LAMP3: variants seen among roughly 807,000 people sequenced by gnomAD.
LAMP3 encodes the protein lysosome associated membrane protein 3.
In LAMP3, 26 loss-of-function variants were observed where a neutral mutation model predicts 34.8. The ratio of observed to expected loss-of-function variants is 0.75; its 90% confidence interval spans 0.55 to 1.04. LAMP3 has a LOEUF of 1.04. Ranked by LOEUF, LAMP3 falls within the 50% of genes least tolerant of loss-of-function variation. The pLI is 0.00. For synonymous variants in LAMP3, 180 were observed against 201.9 expected (o/e 0.89, Z 0.92); for missense variants, 495 against 524.0 (o/e 0.94, Z 0.54).
At chr3:183,148,351 C>T (rs1024398103) in intron 3 of LAMP3, among the ~76,000 whole-genome samples, 1 of 152,060 alleles carries the variant, frequency 6.6e-6, no homozygotes, top group Non-Finnish European at 1.5e-5. Flanking sequence ...TTCTGCACAG[C>T]AAAGGAAACA....
At chr3:183,132,407 G>GT in intron 5 of LAMP3, 2 of 973,208 alleles carry the variant, frequency 2.1e-6, no homozygotes, top group South Asian at 9.5e-5. Flanking sequence ...TTAAAGTAAT[G>GT]TTTTTAAAAA....
chr3:183,137,626 C>A (rs983105266), intron 4 of LAMP3, among the ~76,000 whole-genome samples: 1 of 152,142 alleles, frequency 6.6e-6, no homozygotes, highest in African/African-American at 2.4e-5. Context: ...TCTGCTACTA[C>A]CATCCCCACT....
Position 183,153,735 on chromosome 3 carries a change from G to A in LAMP3, c.706C>T (p.Leu236Phe). ...ATCCCCATCTCTGCTTTTATACAGAGTCTGCTTCCGTTTAGAACCTGATAA... is the reference window on the plus strand; with the variant it reads ...ATCCCCATCTCTGCTTTTATACAGAATCTGCTTCCGTTTAGAACCTGATAA... ...GIYQVLNGSR[L>F]CIKAEMGIQL... The change falls in exon 2 of 6, where the codon CTC (leucine) becomes TTC (phenylalanine). Residue 236 changes from leucine (L) to phenylalanine (F), a missense_variant. By Grantham distance (22) the Leu-to-Phe change is conservative. Coordinates refer to ENST00000265598, the MANE Select transcript of LAMP3 (RefSeq NM_014398.4). The A allele has an allele frequency of 6.5e-7, 1 of 1,539,022 alleles. No individual in the cohort carries two copies. Among genetic ancestry groups the A allele is most frequent in the Non-Finnish European group, 8.7e-7 (1 of 1,145,236 alleles).
At chr3:183,155,463 G>A (rs1350481872) in intron 1 of LAMP3, among the ~76,000 whole-genome samples, 1 of 152,210 alleles carries the variant, frequency 6.6e-6, no homozygotes, top group Non-Finnish European at 1.5e-5. Flanking sequence ...CAGGTGGGTT[G>A]TCCTTTGTGT....
Position 183,154,277 on chromosome 3 carries a change from G to A in LAMP3, c.164C>T (p.Pro55Leu). ...AGTTTGGTGAGGTGCTTGCTTAGCT[G>A]GTTGCTGGACAGGTTTTTTTATGTC... ...VQDIKKPVQQ[P>L]AKQAPHQTLA... The change falls in exon 2 of 6, where the codon CCA becomes CTA. Residue 55 changes from proline (P) to leucine (L), a missense_variant. By Grantham distance (98) the Pro-to-Leu change is moderately conservative. Transcript: ENST00000265598. 1 of 1,614,128 alleles carries A rather than the reference G, an allele frequency of 6.2e-7. No homozygotes were observed. Among genetic ancestry groups the A allele is most frequent in the Non-Finnish European group, 8.5e-7 (1 of 1,180,010 alleles).
At chr3:183,158,900 G>GT (rs928523825) in intron 1 of LAMP3, among the ~76,000 whole-genome samples, 40 of 146,996 alleles carry the variant, frequency 2.7e-4, no homozygotes, top group South Asian at 1.3e-3. Flanking sequence ...CTTTGTTTTT[G>GT]TTTTTTTTTT....
At chr3:183,144,066 A>G (rs1033921545) in intron 3 of LAMP3, among the ~76,000 whole-genome samples, 2 of 152,186 alleles carry the variant, frequency 1.3e-5, no homozygotes, top group Admixed American at 6.5e-5. Context: ...TGGAAGTTTC[A>G]TAGTCCCAGC....
chr3:183,132,470 C>T (rs633725), intron 5 of LAMP3: 907,442 of 983,004 alleles, frequency 0.92, 419,426 homozygotes, highest in Non-Finnish European at 0.93. Flanking sequence ...AATTTGTAAA[C>T]GTCTTCCCCA....
chr3:183,127,928 G>A (rs770354425), intron 5 of LAMP3, among the ~76,000 whole-genome samples: 2 of 152,066 alleles, frequency 1.3e-5, no homozygotes, highest in East Asian at 1.9e-4. Flanking sequence ...TCAGGAGATC[G>A]AGACCATTCT....
At position 183,136,336 on chromosome 3, in the gene LAMP3, T is replaced by A. The variant is rs538066367; in HGVS notation, c.947-449A>T. Reference sequence around the variant, plus strand: ...AGCAAATGCTTATCACCAGGCTGAATGTATTAGATGAGCAGGGTCAAGAAC... The same window carrying A: ...AGCAAATGCTTATCACCAGGCTGAAAGTATTAGATGAGCAGGGTCAAGAAC... On this transcript the variant is annotated intron_variant, in intron 4 of 5. Transcript: ENST00000265598. 1.3e-4 allele frequency among the ~76,000 whole-genome samples: 20 copies of A among 152,274 alleles called. 1 individual carries two copies. The South Asian group carries it at 4.1e-3, about 32-fold the overall frequency.
intron 5 of LAMP3, chr3:183,132,152 T>G (rs1343008557): frequency 2.0e-6 from 2 of 985,256 alleles, no homozygotes; most frequent in Non-Finnish European, 2.4e-6. Flanking sequence ...TTGAAGCAAC[T>G]GAAGGGCTAA....
chr3:183,146,631 G>A (rs1250535118), intron 3 of LAMP3, among the ~76,000 whole-genome samples: 4 of 150,720 alleles, frequency 2.7e-5, no homozygotes, highest in East Asian at 2.0e-4. Flanking sequence ...GGGTTCAAGC[G>A]ATTCTCCTGC....
chr3:183,131,216 C>A (rs1022872703), intron 5 of LAMP3, among the ~76,000 whole-genome samples: 1 of 152,182 alleles, frequency 6.6e-6, no homozygotes, highest in African/African-American at 2.4e-5. Context: ...GTGGTCATAT[C>A]CCTCTATACT....
intron 3 of LAMP3, among the ~76,000 whole-genome samples, chr3:183,146,304 A>G (rs1311931755): frequency 6.6e-6 from 1 of 152,192 alleles, no homozygotes; most frequent in East Asian, 1.9e-4. Context: ...AAATGTTAAT[A>G]CTGTTGCTGT....
intron 5 of LAMP3, among the ~76,000 whole-genome samples, chr3:183,130,762 C>A (rs548124): frequency 0.86 from 131,007 of 152,114 alleles, 56,886 homozygotes; most frequent in Non-Finnish European, 0.93. Context: ...GTCTGTCCCT[C>A]CCTTTACTCT....
intron 3 of LAMP3, among the ~76,000 whole-genome samples, chr3:183,143,180 C>T (rs1720338042): frequency 6.6e-6 from 1 of 152,134 alleles, no homozygotes; most frequent in African/African-American, 2.4e-5. Flanking sequence ...AAGATCTTGG[C>T]TCACTGCAGC....
At chr3:183,133,344 G>C (rs1028846644) in intron 5 of LAMP3, among the ~76,000 whole-genome samples, 14 of 152,130 alleles carry the variant, frequency 9.2e-5, no homozygotes, top group African/African-American at 3.1e-4. Context: ...AATTCCCGGA[G>C]CCATATTCTC....
upstream of LAMP3, chr3:183,163,009 G>A (rs13084610): frequency 0.11 from 23,502 of 221,806 alleles, 1,308 homozygotes; most frequent in Middle Eastern, 0.15. Flanking sequence ...CCAGGGTGGA[G>A]TGCAGTGGCG....
At position 183,124,092 on chromosome 3, in the gene LAMP3, G is replaced by C; in HGVS notation, c.1240C>G (p.Gln414Glu). ...IRLRCQSSGY[Q>E]RI ...CCCCCGGGCAACAATTAGATTCTCT[G>C]GTATCCAGATGATTGACACCTTAGG... Residue 414 changes from glutamine to glutamate, a missense_variant, in exon 6 of 6, where the codon CAG becomes GAG. Coordinates refer to ENST00000265598, the MANE Select transcript of LAMP3 (RefSeq NM_014398.4). 2 of 1,613,986 alleles carry C rather than the reference G, an allele frequency of 1.2e-6. No homozygotes were observed. Among genetic ancestry groups the C allele is most frequent in the Non-Finnish European group, 1.7e-6 (2 of 1,179,958 alleles).
Sources: gnomAD v4.1 joint callset for allele counts (sites outside exome capture counted in the v4.1 genomes callset) on GRCh38, gnomAD v4.1.1 for gene constraint, MANE v1.5 for transcripts, NCBI Gene and HGNC (gene_info 2026-07-23, HGNC 2026-07-21) for gene names.